CSMD1: variants seen among roughly 807,000 people sequenced by gnomAD.
CSMD1 encodes the protein CUB and Sushi multiple domains 1, also known as CUB and sushi domain-containing protein 1.
In CSMD1, 213 loss-of-function variants were observed where a neutral mutation model predicts 417.5. The observed-to-expected ratio is 0.51, with a 90% CI of 0.46 to 0.57. The LOEUF is 0.57. Among genes scored for constraint, CSMD1 ranks in the 20% least tolerant of loss-of-function variants. The pLI, the probability that CSMD1 is intolerant of heterozygous loss-of-function variation, is 0.00. For missense variants in CSMD1, 6,923 were observed against 4,529.7 expected (o/e 1.53, Z -15.17); for synonymous variants, 2,862 against 1,736.8 (o/e 1.65, Z -16.11).
intron 54 of CSMD1, 107 bp from the exon 55 acceptor site, chr8:2,978,907 T>G: frequency 1.1e-6 from 1 of 936,480 alleles, no homozygotes; most frequent in Non-Finnish European, 1.5e-6. Flanking sequence ...GTTCAAAAAC[T>G]GACAACATGA....
At chr8:3,494,527 A>C (rs1435792315) in intron 10 of CSMD1, among the ~76,000 whole-genome samples, 3 of 151,582 alleles carry the variant, frequency 2.0e-5, no homozygotes, top group Non-Finnish European at 4.4e-5. Flanking sequence ...TGGATGGTAG[A>C]AGATTAGCAG....
At chr8:3,378,465 A>G (rs1019947576) in intron 18 of CSMD1, among the ~76,000 whole-genome samples, 1 of 152,194 alleles carries the variant, frequency 6.6e-6, no homozygotes, top group South Asian at 2.1e-4. Context: ...TTTCAGGCCA[A>G]TATCCCTGAA....
At chr8:4,740,195 ATTG>A in intron 1 of CSMD1, among the ~76,000 whole-genome samples, 1 of 152,168 alleles carries the variant, frequency 6.6e-6, no homozygotes, top group South Asian at 2.1e-4. Flanking sequence ...ACATTATCTT[ATTG>A]TTTTCACCCC....
intron 10 of CSMD1, among the ~76,000 whole-genome samples, chr8:3,522,931 T>G (rs918198347): frequency 4.0e-5 from 6 of 150,362 alleles, no homozygotes; most frequent in Non-Finnish European, 7.4e-5. Context: ...ATCAATATAT[T>G]TATATATTGA....
intron 18 of CSMD1, among the ~76,000 whole-genome samples, chr8:3,372,719 C>G (rs1446384313): frequency 6.6e-6 from 1 of 152,124 alleles, no homozygotes. Flanking sequence ...GATACCAAAG[C>G]TCCAAGTCTG....
At chr8:4,477,329 G>C (rs76911271) in intron 2 of CSMD1, among the ~76,000 whole-genome samples, 4 of 152,284 alleles carry the variant, frequency 2.6e-5, no homozygotes, top group African/African-American at 9.6e-5. Context: ...GTTGGTGCTG[G>C]AAGGAGTTAG....
chr8:4,602,948 A>G (rs1016419640), intron 2 of CSMD1, among the ~76,000 whole-genome samples: 4 of 151,998 alleles, frequency 2.6e-5, no homozygotes, highest in Non-Finnish European at 4.4e-5. Flanking sequence ...AACTATAAAA[A>G]TAGATAAAAA....
At chr8:3,300,497 A>G (rs954438177) in intron 25 of CSMD1, among the ~76,000 whole-genome samples, 1 of 152,158 alleles carries the variant, frequency 6.6e-6, no homozygotes. Flanking sequence ...GGCGAGTGAA[A>G]TGACTGACTC....
Position 4,481,864 on chromosome 8 carries a change from C to A in CSMD1, c.303-61799G>T, listed in dbSNP as rs528732493. ...CTCCACCTACTTCTATTTTAGAAGTCAGGAAACTGTAGCACAATGAGATCA... is the reference window on the plus strand; with the variant it reads ...CTCCACCTACTTCTATTTTAGAAGTAAGGAAACTGTAGCACAATGAGATCA... On this transcript the variant is annotated intron_variant, in intron 2 of 69. Coordinates refer to ENST00000635120, the MANE Select transcript of CSMD1 (RefSeq NM_033225.6). Among the ~76,000 whole-genome samples the A allele has an allele frequency of 2.0e-5, 3 of 152,186 alleles. No homozygotes were observed. In the South Asian group the frequency reaches 6.2e-4, roughly 32 times the overall value.
intron 3 of CSMD1, among the ~76,000 whole-genome samples, chr8:4,186,274 C>G (rs1184624118): frequency 6.6e-6 from 1 of 152,092 alleles, no homozygotes; most frequent in Non-Finnish European, 1.5e-5. Context: ...TGTAAAATTA[C>G]AAGAGAAGGA....
At position 4,821,138 on chromosome 8, in the gene CSMD1, G is replaced by C. The variant is rs1457188; in HGVS notation, c.85+173194C>G. Among the ~76,000 whole-genome samples, 892 of 152,238 alleles carry C rather than the reference G, an allele frequency of 5.9e-3. 3 individuals are homozygous for C. The highest frequency in any genetic ancestry group is 0.011 in the Non-Finnish European group (730 of 68,008). On this transcript the variant is annotated intron_variant, in intron 1 of 69. Transcript: ENST00000635120. ...TCTCGGTTGTATCAGGCAAGACGCC[G>C]AAACTTCTCTGAGTCACAGATCCTC...
chr8:3,262,279 A>G (rs1430234405), intron 26 of CSMD1, among the ~76,000 whole-genome samples: 4 of 145,374 alleles, frequency 2.8e-5, no homozygotes, highest in Admixed American at 7.0e-5. Flanking sequence ...AACATTGCCA[A>G]TAAGCGTCAC....
At chr8:3,482,489 A>T (rs113308419) in intron 11 of CSMD1, among the ~76,000 whole-genome samples, 76 of 152,354 alleles carry the variant, frequency 5.0e-4, no homozygotes, top group African/African-American at 1.8e-3. Flanking sequence ...CTAAATGTGT[A>T]CAAACCAAAT....
rs185583898 is a variant in CSMD1, at chr8:3,607,509, C to A, written c.1097+9201G>T. On this transcript the variant is annotated intron_variant, in intron 8 of 69. Transcript: ENST00000635120. ...CTAGCCTTTTCTGTGACTGGCAGCA[C>A]AGTACATCTGTCTTACATCAAGACT... Among the ~76,000 whole-genome samples the A allele has an allele frequency of 5.1e-3, 776 of 152,274 alleles. 11 individuals are homozygous for A. Among genetic ancestry groups the A allele is most frequent in the Admixed American group, 0.02 (306 of 15,296 alleles).
intron 12 of CSMD1, among the ~76,000 whole-genome samples, chr8:3,411,962 A>T (rs1225927592): frequency 5.4e-5 from 2 of 37,292 alleles, no homozygotes; most frequent in African/African-American, 2.0e-4. Context: ...ATACACGTAT[A>T]TATGCACGTA....
rs1005483115 is a variant in CSMD1 at position 3,162,269 on chromosome 8, G to C, written c.5734C>G (p.Leu1912Val). 1 of 1,601,378 alleles carries C rather than the reference G, an allele frequency of 6.2e-7. No individual in the cohort carries two copies. Among genetic ancestry groups the C allele is most frequent in the Non-Finnish European group, 8.5e-7 (1 of 1,171,902 alleles). ...AGGGCTGGTTCTTGGCATGCAGCAAGACCTACAGCTAGAAATGCAAAGACA... is the reference window on the plus strand; with the variant it reads ...AGGGCTGGTTCTTGGCATGCAGCAACACCTACAGCTAGAAATGCAAAGACA... Reference protein sequence around the residue: ...GFHLEYKTVGLAACQEPALPS... With the variant: ...GFHLEYKTVGVAACQEPALPS... Residue 1912 changes from leucine (L) to valine (V), a missense_variant, in exon 38 of 70, where the codon CTT becomes GTT. Physicochemically the swap from Leu to Val is conservative, Grantham distance 32. Transcript: ENST00000635120.
Position 3,987,986 on chromosome 8 carries a change from A to G in CSMD1, c.818+9917T>C, listed in dbSNP as rs544618462. On this transcript the variant is annotated intron_variant, in intron 5 of 69. Transcript: ENST00000635120. ...GGAAACTGCTCAACTTTTTAACTCA[A>G]TTTTCTTGAAAAGAGCTCAAAATGA... 3.9e-5 allele frequency among the ~76,000 whole-genome samples: 6 copies of G among 152,310 alleles called. No homozygotes were observed. The South Asian group carries it at 6.2e-4, about 16-fold the overall frequency.
chr8:4,111,570 C>G (rs1174741819), intron 3 of CSMD1, among the ~76,000 whole-genome samples: 2 of 152,088 alleles, frequency 1.3e-5, no homozygotes, highest in Non-Finnish European at 2.9e-5. Context: ...TCACATACAC[C>G]ATGGAATACT....
At chr8:3,804,565 C>G (rs1036896490) in intron 5 of CSMD1, among the ~76,000 whole-genome samples, 1 of 152,096 alleles carries the variant, frequency 6.6e-6, no homozygotes, top group Non-Finnish European at 1.5e-5. Flanking sequence ...AATGCAGTCA[C>G]AGGTCCAATT....
Sources: gnomAD v4.1 joint callset for allele counts (sites outside exome capture counted in the v4.1 genomes callset) on GRCh38, gnomAD v4.1.1 for gene constraint, MANE v1.5 for transcripts, NCBI Gene and HGNC (gene_info 2026-07-23, HGNC 2026-07-21) for gene names.